Variants in BDKRB2 observed in about 807,000 individuals in gnomAD.
The protein encoded by BDKRB2 is bradykinin receptor B2, also known as B2 bradykinin receptor.
A neutral mutation model predicts 4.0 loss-of-function variants in BDKRB2; 6 were observed. The observed-to-expected ratio is 1.49, with a 90% CI of 0.81 to 2.93. The LOEUF (loss-of-function observed/expected upper bound fraction) is 2.93, where lower values mean the gene tolerates loss of function less well. Ranked by LOEUF, BDKRB2 falls within the 30% of genes most tolerant of loss-of-function variation. BDKRB2 has a pLI of 0.00. For synonymous variants in BDKRB2, 225 were observed against 215.3 expected (o/e 1.05, Z -0.40); for missense variants, 478 against 520.1 (o/e 0.92, Z 0.79).
At chr14:96,213,526 AC>A (rs1890351507) in intron 1 of BDKRB2, among the ~76,000 whole-genome samples, 1 of 125,634 alleles carries the variant, frequency 8.0e-6, no homozygotes, top group Admixed American at 7.8e-5. Flanking sequence ...ACACACACAC[AC>A]ACACACGTGT....
chr14:96,237,904 G>T lies in BDKRB2; in HGVS notation c.74+723G>T. The T allele has an allele frequency of 2.4e-6, 3 of 1,268,092 alleles. No individual in the cohort carries two copies. In the South Asian group the frequency reaches 3.9e-5, roughly 17 times the overall value. The allele number at this position is 1,268,092 out of a possible 1,614,324, so 78.6% of individuals were successfully genotyped here. On this transcript the variant is annotated intron_variant, in intron 2 of 2. Transcript: ENST00000554311. ...CTGAGAAATTAATAAGCAGCATCTG[G>T]TGCTATACTTTGGTCTCTAGTGAGT...
At chr14:96,219,902 C>A (rs1372876398) in intron 1 of BDKRB2, among the ~76,000 whole-genome samples, 1 of 151,908 alleles carries the variant, frequency 6.6e-6, no homozygotes, top group Non-Finnish European at 1.5e-5. Flanking sequence ...TGGAAGAGCT[C>A]CTGCCCTTTG....
At chr14:96,220,974 T>A (rs1299954586) in intron 1 of BDKRB2, among the ~76,000 whole-genome samples, 6 of 152,058 alleles carry the variant, frequency 3.9e-5, no homozygotes, top group Non-Finnish European at 8.8e-5. Context: ...AGGCACCATC[T>A]GTCCTTCACC....
intron 1 of BDKRB2, among the ~76,000 whole-genome samples, chr14:96,220,167 T>C (rs1022384968): frequency 2.0e-5 from 3 of 151,964 alleles, no homozygotes; most frequent in African/African-American, 7.3e-5. Flanking sequence ...CCCAAGGGCA[T>C]AGGGCAGAGC....
chr14:96,230,334 C>G (rs1158966762), intron 1 of BDKRB2, among the ~76,000 whole-genome samples: 1 of 152,222 alleles, frequency 6.6e-6, no homozygotes, highest in African/African-American at 2.4e-5. Flanking sequence ...CAGCTGTGCC[C>G]AGGGATGGAA....
chr14:96,217,504 T>C (rs1890452457), intron 1 of BDKRB2, among the ~76,000 whole-genome samples: 1 of 152,156 alleles, frequency 6.6e-6, no homozygotes, highest in African/African-American at 2.4e-5. Flanking sequence ...ACCATAGCAA[T>C]AGCAACACTG....
At position 96,241,753 on chromosome 14, in the gene BDKRB2, T is replaced by G; in HGVS notation, c.*249T>G. ...CAACAGCATTACTGTTCTTATTTGC[T>G]GCCACACCTGAGCCAGCCTGCTCCT... On this transcript the variant is annotated 3_prime_UTR_variant, in exon 3 of 3. Transcript: ENST00000554311. 8 of 439,096 alleles carry G rather than the reference T, an allele frequency of 1.8e-5. No individual in the cohort carries two copies. The highest frequency in any genetic ancestry group is 1.7e-4 in the South Asian group (2 of 11,840). 27.2% of individuals were successfully genotyped at this position (439,096 alleles called of 1,614,324 possible).
chr14:96,237,791 TC>T, intron 2 of BDKRB2: 2 of 1,289,724 alleles, frequency 1.6e-6, no homozygotes, highest in Non-Finnish European at 2.0e-6. Flanking sequence ...AGTTTCCAAT[TC>T]CGCACTCAGC....
intron 1 of BDKRB2, among the ~76,000 whole-genome samples, chr14:96,217,299 A>G (rs1890449063): frequency 6.6e-6 from 1 of 152,270 alleles, no homozygotes; most frequent in South Asian, 2.1e-4. Context: ...GGAAGTCACT[A>G]CAATGGTGAG....
intron 1 of BDKRB2, among the ~76,000 whole-genome samples, chr14:96,228,922 A>C (rs1214018329): frequency 6.6e-6 from 1 of 152,202 alleles, no homozygotes; most frequent in Non-Finnish European, 1.5e-5. Context: ...GGGTGACCTG[A>C]ACTGTCTCAG....
At chr14:96,213,864 A>G (rs910932140) in intron 1 of BDKRB2, among the ~76,000 whole-genome samples, 6 of 152,190 alleles carry the variant, frequency 3.9e-5, no homozygotes, top group African/African-American at 1.4e-4. Flanking sequence ...AGACAGAGCT[A>G]GCTAGAGACT....
chr14:96,220,387 C>T, intron 1 of BDKRB2, among the ~76,000 whole-genome samples: 1 of 152,160 alleles, frequency 6.6e-6, no homozygotes, highest in East Asian at 1.9e-4. Flanking sequence ...TAGGCACGAG[C>T]TTATCCACAC....
chr14:96,235,973 A>C (rs1438405297), intron 1 of BDKRB2, among the ~76,000 whole-genome samples: 1 of 152,160 alleles, frequency 6.6e-6, no homozygotes, highest in Non-Finnish European at 1.5e-5. Flanking sequence ...CATGGGACTG[A>C]GACAAGTCAC....
chr14:96,204,896 A>G lies in BDKRB2; in HGVS notation c.-103A>G. 1 of 288,696 alleles carries G rather than the reference A, an allele frequency of 3.5e-6. No homozygotes were observed. Among genetic ancestry groups the G allele is most frequent in the Non-Finnish European group, 6.9e-6 (1 of 145,138 alleles). The allele number at this position is 288,696 out of a possible 1,614,324, so 17.9% of individuals were successfully genotyped here. A position where few individuals can be genotyped will look rare whatever the true frequency, so the allele number is the denominator to read the frequency against. ...GGTGGGGACGGTGGGGACGGTGGGGACATCAGGCTGCCCCGCAGTACCAGG... is the reference window on the plus strand; with the variant it reads ...GGTGGGGACGGTGGGGACGGTGGGGGCATCAGGCTGCCCCGCAGTACCAGG... On this transcript the variant is annotated 5_prime_UTR_variant, in exon 1 of 3. Coordinates refer to ENST00000554311, the MANE Select transcript of BDKRB2 (RefSeq NM_001379692.1).
chr14:96,240,618 G>A lies in BDKRB2; in HGVS notation c.290G>A (p.Gly97Glu), dbSNP rs1885255634. ...SSCTVAEIYLGNLAAADLILA... is the reference protein window; with the variant it reads ...SSCTVAEIYLENLAAADLILA... ...TGCACGGTGGCAGAGATCTACCTGG[G>A]GAACCTGGCCGCAGCAGACCTGATC... Residue 97 changes from glycine (G) to glutamate (E), a missense_variant, in exon 3 of 3, where the codon GGG (glycine) becomes GAG (glutamate). By Grantham distance (98) the Gly-to-Glu change is moderately conservative. Coordinates refer to ENST00000554311, the MANE Select transcript of BDKRB2 (RefSeq NM_001379692.1). 1.9e-6 allele frequency: 3 copies of A among 1,549,066 alleles called. No individual in the cohort carries two copies. The highest frequency in any genetic ancestry group is 1.7e-6 in the Non-Finnish European group (2 of 1,149,962).
intron 1 of BDKRB2, among the ~76,000 whole-genome samples, chr14:96,210,634 A>C (rs1028451165): frequency 1.3e-5 from 2 of 152,200 alleles, no homozygotes; most frequent in African/African-American, 4.8e-5. Flanking sequence ...GAGATATCCG[A>C]GGCCTTTTCC....
chr14:96,217,335 A>C (rs1252977745), intron 1 of BDKRB2, among the ~76,000 whole-genome samples: 1 of 152,248 alleles, frequency 6.6e-6, no homozygotes, highest in Non-Finnish European at 1.5e-5. Context: ...GAATGAACAG[A>C]TTTAAGAAAG....
In BDKRB2 at chr14:96,241,082, C is replaced by T. The variant is rs770296029; in HGVS notation, c.754C>T (p.Arg252Trp). Residue 252 changes from arginine (R) to tryptophan (W), a missense_variant, in exon 3 of 3, where the codon CGG becomes TGG. Physicochemically the swap from Arg to Trp is moderately radical, Grantham distance 101. Transcript: ENST00000554311. ...FCTMQIMQVLRNNEMQKFKEI... is the reference protein window; with the variant it reads ...FCTMQIMQVLWNNEMQKFKEI... ...CACGATGCAGATCATGCAGGTGCTG[C>T]GGAACAACGAGATGCAGAAGTTCAA... is the stretch of plus-strand genomic sequence containing the variant. 20 of 1,613,798 alleles carry T rather than the reference C, an allele frequency of 1.2e-5. No individual in the cohort carries two copies. Among genetic ancestry groups the T allele is most frequent in the Middle Eastern group, 1.6e-4 (1 of 6,084 alleles).
chr14:96,236,855 T>G (rs992448135), intron 1 of BDKRB2, among the ~76,000 whole-genome samples: 1 of 152,220 alleles, frequency 6.6e-6, no homozygotes, highest in Non-Finnish European at 1.5e-5. Flanking sequence ...CAGGTCAGTT[T>G]GCAGTTATTA....
Sources: allele counts gnomAD v4.1 joint callset (sites outside exome capture counted in the v4.1 genomes callset), GRCh38; gene constraint gnomAD v4.1.1; transcripts MANE v1.5; gene names NCBI Gene and HGNC (gene_info 2026-07-23, HGNC 2026-07-21).